The following MCHR2 variants were observed in gnomAD, a reference collection of about 807,000 sequenced individuals.
MCHR2 encodes the protein melanin concentrating hormone receptor 2, also known as melanin-concentrating hormone receptor 2.
In MCHR2, 15 loss-of-function variants were observed where a neutral mutation model predicts 24.8. That is an observed-to-expected ratio of 0.60 (90% CI 0.40 to 0.93). MCHR2 has a LOEUF of 0.93. MCHR2 is among the 40% of genes least tolerant of loss of function. MCHR2 has a pLI of 0.00. For synonymous variants in MCHR2, 151 were observed against 147.6 expected (o/e 1.02, Z -0.17); for missense variants, 386 against 408.7 (o/e 0.94, Z 0.48).
At position 99,943,051 on chromosome 6, in the gene MCHR2, A is replaced by G. The variant is rs200240790; in HGVS notation, c.485T>C (p.Phe162Ser). 295 of 1,613,284 alleles carry G rather than the reference A, an allele frequency of 1.8e-4. No individual in the cohort carries two copies. The highest frequency in any genetic ancestry group is 2.5e-4 in the Non-Finnish European group (293 of 1,179,460). ...GACCCAGACAGGCAATGCCAGGATA[A>G]AGGAAGCTGCCCAAAGGCCCAAATT... is the stretch of plus-strand genomic sequence containing the variant. ...RINLGLWAASFILALPVWVYS... is the reference protein window; with the variant it reads ...RINLGLWAASSILALPVWVYS... Residue 162 changes from phenylalanine to serine, a missense_variant, in exon 4 of 6, where the codon TTT (phenylalanine) becomes TCT (serine). By Grantham distance (155) the Phe-to-Ser change is radical. Coordinates refer to ENST00000281806, the MANE Select transcript of MCHR2 (RefSeq NM_001040179.2).
At chr6:99,978,420 GTTTT>G in intron 1 of MCHR2, among the ~76,000 whole-genome samples, 1 of 104,170 alleles carries the variant, frequency 9.6e-6, no homozygotes, top group African/African-American at 3.8e-5. Flanking sequence ...GGTCAAGACA[GTTTT>G]TTTTTTTTTT....
chr6:99,943,068 G>T lies in MCHR2; in HGVS notation c.468C>A (p.Gly156=). 1 of 1,613,202 alleles carries T rather than the reference G, an allele frequency of 6.2e-7. No homozygotes were observed. Among genetic ancestry groups the T allele is most frequent in the East Asian group, 2.2e-5 (1 of 44,850 alleles). The change falls in exon 4 of 6, where the codon GGC becomes GGA. Residue 156 remains glycine, a synonymous_variant. Transcript: ENST00000281806. Reference sequence around the variant, plus strand: ...CCAGGATAAAGGAAGCTGCCCAAAGGCCCAAATTGATCCGGATGGTCTTGT... The same window carrying T: ...CCAGGATAAAGGAAGCTGCCCAAAGTCCCAAATTGATCCGGATGGTCTTGT... ...TRYKTIRINL[G]LWAASFILAL...
At chr6:99,973,836 A>T (rs1477210161) in intron 1 of MCHR2, among the ~76,000 whole-genome samples, 1 of 152,156 alleles carries the variant, frequency 6.6e-6, no homozygotes, top group East Asian at 1.9e-4. Flanking sequence ...GTTCGGCTGG[A>T]TATGAAATTC....
intron 5 of MCHR2, among the ~76,000 whole-genome samples, chr6:99,931,317 C>T (rs1048062002): frequency 1.3e-5 from 2 of 152,204 alleles, no homozygotes; most frequent in Non-Finnish European, 2.9e-5. Context: ...GCCAGTCTGC[C>T]CATTCTCAGA....
intron 1 of MCHR2, among the ~76,000 whole-genome samples, chr6:99,958,273 G>C (rs1775105902): frequency 7.5e-6 from 1 of 132,942 alleles, no homozygotes; most frequent in Non-Finnish European, 1.7e-5. Context: ...TGGGACAATT[G>C]CCTGTCTAAA....
rs151102747 is a variant in MCHR2, at chr6:99,946,832, C to T, written c.392+930G>A. ...ATTTTAAGTGGGTTGTCCTAGAAGA[C>T]AGAGTATCACTGTTGGAAGTACTAT... On this transcript the variant is annotated intron_variant, in intron 3 of 5. Coordinates refer to ENST00000281806, the MANE Select transcript of MCHR2 (RefSeq NM_001040179.2). Among the ~76,000 whole-genome samples, 3 of 152,246 alleles carry T rather than the reference C, an allele frequency of 2.0e-5. No individual in the cohort carries two copies. In the East Asian group the frequency reaches 5.8e-4, roughly 29 times the overall value.
intron 1 of MCHR2, 86 bp from the exon 2 acceptor site, chr6:99,956,260 C>A (rs1052677221): frequency 1.3e-5 from 13 of 1,004,032 alleles, no homozygotes; most frequent in African/African-American, 1.2e-4. Flanking sequence ...TTTTTTGGAA[C>A]CTCTTTTTTA....
At chr6:99,939,386 A>AAT (rs1554193851) in intron 4 of MCHR2, among the ~76,000 whole-genome samples, 2 of 152,148 alleles carry the variant, frequency 1.3e-5, no homozygotes, top group African/African-American at 2.4e-5. Context: ...GCTGACAAAA[A>AAT]ATATATATAA....
intron 1 of MCHR2, among the ~76,000 whole-genome samples, chr6:99,992,125 G>A (rs138947037): frequency 1.3e-5 from 2 of 152,224 alleles, no homozygotes; most frequent in Non-Finnish European, 2.9e-5. Flanking sequence ...GTGTCACTGC[G>A]GAAGGCAGAG....
chr6:99,951,299 G>A (rs1774959777), intron 2 of MCHR2, among the ~76,000 whole-genome samples: 1 of 152,114 alleles, frequency 6.6e-6, no homozygotes, highest in Non-Finnish European at 1.5e-5. Flanking sequence ...CTGAAGCACT[G>A]TGCTGAGAAG....
chr6:99,970,485 C>G (rs568075466), intron 1 of MCHR2, among the ~76,000 whole-genome samples: 4 of 151,980 alleles, frequency 2.6e-5, no homozygotes, highest in South Asian at 2.1e-4. Flanking sequence ...GAGTAGGGTG[C>G]GAAAATTTTC....
At chr6:99,990,329 T>C (rs1173808885) in intron 1 of MCHR2, among the ~76,000 whole-genome samples, 1 of 152,192 alleles carries the variant, frequency 6.6e-6, no homozygotes, top group African/African-American at 2.4e-5. Context: ...ATAAAACAAG[T>C]GGTTTCTATC....
intron 5 of MCHR2, among the ~76,000 whole-genome samples, chr6:99,927,766 A>G (rs1774401999): frequency 1.3e-5 from 2 of 152,136 alleles, no homozygotes; most frequent in Admixed American, 6.5e-5. Context: ...TAGATATACA[A>G]TCATGTCATC....
chr6:99,994,222 C>G lies in MCHR2; in HGVS notation c.-314G>C. ...AGCATCGGGTGCGTCGTGCTCTTTTCTAGGAGCGTGGGGTGCCTTCGCGAA... is the reference window on the plus strand; with the variant it reads ...AGCATCGGGTGCGTCGTGCTCTTTTGTAGGAGCGTGGGGTGCCTTCGCGAA... On this transcript the variant is annotated 5_prime_UTR_variant, in exon 1 of 6. Coordinates refer to ENST00000281806, the MANE Select transcript of MCHR2 (RefSeq NM_001040179.2). 1 of 152,190 alleles carries G rather than the reference C, an allele frequency of 6.6e-6. No individual in the cohort carries two copies. The highest frequency in any genetic ancestry group is 2.1e-4 in the South Asian group (1 of 4,832). 9.4% of individuals were successfully genotyped at this position (152,190 alleles called of 1,614,324 possible).
At chr6:99,931,242 C>T (rs1422808348) in intron 5 of MCHR2, among the ~76,000 whole-genome samples, 2 of 152,132 alleles carry the variant, frequency 1.3e-5, no homozygotes, top group Non-Finnish European at 2.9e-5. Flanking sequence ...GTCAGTCTGC[C>T]CCTACTGGGG....
chr6:99,921,167 G>C lies in MCHR2; in HGVS notation c.796C>G (p.Pro266Ala). Residue 266 changes from proline (P) to alanine (A), a missense_variant, in exon 6 of 6, where the codon CCT becomes GCT. Pro to Ala is a conservative substitution (Grantham distance 27). Transcript: ENST00000281806. ...TTCACCAGTTGTATCACATGATAAG[G>C]GGCAGCACTCAGGATAAAGACTACC... is the stretch of plus-strand genomic sequence containing the variant. ...LVVVFILSAA[P>A]YHVIQLVNLQ... is the part of the protein sequence containing the mutation. The C allele has an allele frequency of 6.2e-7, 1 of 1,614,104 alleles. No individual in the cohort carries two copies. Among genetic ancestry groups the C allele is most frequent in the Non-Finnish European group, 8.5e-7 (1 of 1,180,008 alleles).
intron 1 of MCHR2, among the ~76,000 whole-genome samples, chr6:99,984,615 T>TA (rs1370628877): frequency 6.6e-6 from 1 of 152,056 alleles, no homozygotes; most frequent in Non-Finnish European, 1.5e-5. Flanking sequence ...AAGCATTCCG[T>TA]AAAATCTAGC....
In MCHR2 at chr6:99,921,314, T is replaced by G; in HGVS notation, c.708-59A>C. ...AACAACCATAGAAATTATGGGGCAA[T>G]GTGTTCCTAGAACCTTTTGGACAGT... On this transcript the variant is annotated intron_variant, in intron 5 of 5. Coordinates refer to ENST00000281806, the MANE Select transcript of MCHR2 (RefSeq NM_001040179.2). 2.0e-6 allele frequency: 3 copies of G among 1,504,896 alleles called. No homozygotes were observed. In the South Asian group the frequency reaches 3.7e-5, roughly 18 times the overall value. 93.2% of individuals were successfully genotyped at this position (1,504,896 alleles called of 1,614,324 possible). A position where few individuals can be genotyped will look rare whatever the true frequency, so the allele number is the denominator to read the frequency against.
chr6:99,938,998 G>A (rs1774722205), intron 4 of MCHR2, among the ~76,000 whole-genome samples: 1 of 151,820 alleles, frequency 6.6e-6, no homozygotes, highest in Non-Finnish European at 1.5e-5. Context: ...TCTAAATATA[G>A]CTACTCTTGC....
Sources: allele counts gnomAD v4.1 joint callset (sites outside exome capture counted in the v4.1 genomes callset), GRCh38; gene constraint gnomAD v4.1.1; transcripts MANE v1.5; gene names NCBI Gene and HGNC (gene_info 2026-07-23, HGNC 2026-07-21).